Variants in SCEL observed in about 807,000 individuals in gnomAD.
SCEL encodes the protein sciellin.
SCEL carries 113 observed loss-of-function variants against 117.6 expected under a neutral mutation model. The ratio of observed to expected loss-of-function variants is 0.96; its 90% CI spans 0.83 to 1.12. SCEL has a LOEUF of 1.12. Among genes scored for constraint, SCEL ranks in the 50% most tolerant of loss-of-function variants. SCEL has a pLI of 0.00. For missense variants in SCEL, 785 were observed against 810.8 expected, an observed-to-expected ratio of 0.97 and a Z score of 0.39; for synonymous variants, 270 against 256.2, an observed-to-expected ratio of 1.05 and a Z score of -0.51.
intron 1 of SCEL, among the ~76,000 whole-genome samples, chr13:77,546,626 CT>C (rs1273433654): frequency 6.6e-6 from 1 of 151,578 alleles, no homozygotes; most frequent in Non-Finnish European, 1.5e-5. Context: ...CTTCTATTTG[CT>C]GCACGATGGC....
At chr13:77,636,944 G>A (rs897462516) in intron 29 of SCEL, among the ~76,000 whole-genome samples, 176 bp from the exon 30 acceptor site, 1 of 151,946 alleles carries the variant, frequency 6.6e-6, no homozygotes, top group African/African-American at 2.4e-5. Context: ...CAAATTGGGG[G>A]TGACTTGTGT....
intron 9 of SCEL, among the ~76,000 whole-genome samples, chr13:77,576,098 C>G (rs944909344): frequency 6.6e-6 from 1 of 152,210 alleles, no homozygotes. Context: ...CACCCTTCCT[C>G]TCTTTCCATC....
At position 77,609,075 on chromosome 13, in the gene SCEL, A is replaced by G; in HGVS notation, c.1235A>G (p.Asn412Ser). The G allele has an allele frequency of 1.9e-6, 3 of 1,593,948 alleles. No individual in the cohort carries two copies. Among genetic ancestry groups the G allele is most frequent in the Non-Finnish European group, 2.6e-6 (3 of 1,174,794 alleles). Residue 412 changes from asparagine (N) to serine (S), a missense_variant, in exon 21 of 33, where the codon AAC (asparagine) becomes AGC (serine). By Grantham distance (46) the Asn-to-Ser change is conservative (BLOSUM62 1). Transcript: ENST00000349847. ...RSNQGSKDLNNFIKVYPGTEK... is the reference protein window; with the variant it reads ...RSNQGSKDLNSFIKVYPGTEK... ...GTTTGAAGTTCCAAAGACCTTAATA[A>G]CTTCATCAAAGTGTATCCAGGAACA...
At chr13:77,563,797 AT>A (rs58662011) in intron 4 of SCEL, 33 bp from the exon 5 acceptor site, 82,326 of 1,117,452 alleles carry the variant, frequency 0.074, 2 homozygotes, top group South Asian at 0.11. Context: ...AATTGATTTG[AT>A]TTTTTTTTTT....
chr13:77,641,491 C>T (rs1208237679), intron 31 of SCEL, among the ~76,000 whole-genome samples: 2 of 152,072 alleles, frequency 1.3e-5, no homozygotes, highest in Non-Finnish European at 1.5e-5. Context: ...CCTCAGTTTC[C>T]CTAACTGTAA....
At position 77,556,603 on chromosome 13, in the gene SCEL, G is replaced by T. The variant is rs757743153; in HGVS notation, c.51G>T (p.Lys17Asn). Residue 17 changes from lysine to asparagine, a missense_variant, in exon 3 of 33, where the codon AAG (lysine) becomes AAT (asparagine). Lys to Asn is a moderately conservative substitution (Grantham distance 94). Transcript: ENST00000349847. ...RKMSPTGNEM[K>N]STTQGTTRKQ... ...TCATGTTTCTGTTGATAGAGATGAA[G>T]AGCACCACTCAGGGAACCACACGGA... 1 of 1,613,232 alleles carries T rather than the reference G, an allele frequency of 6.2e-7. No homozygotes were observed. The highest frequency in any genetic ancestry group is 8.5e-7 in the Non-Finnish European group (1 of 1,179,380).
At chr13:77,614,277 T>G (rs991756092) in intron 24 of SCEL, among the ~76,000 whole-genome samples, 2 of 152,158 alleles carry the variant, frequency 1.3e-5, no homozygotes, top group Admixed American at 1.3e-4. Context: ...CTTTTGTCTT[T>G]GAAATTGATG....
chr13:77,572,745 C>T (rs757763189), intron 9 of SCEL, among the ~76,000 whole-genome samples: 120 of 152,308 alleles, frequency 7.9e-4, no homozygotes, highest in Non-Finnish European at 1.5e-3. Context: ...TCATGTCTGT[C>T]CTACTACAGT....
At chr13:77,596,342 A>AAG (rs2087227549) in intron 12 of SCEL, among the ~76,000 whole-genome samples, 1 of 151,882 alleles carries the variant, frequency 6.6e-6, no homozygotes, top group African/African-American at 2.4e-5. Context: ...TTAAAAAAAA[A>AAG]AAAGTATAGC....
rs572690545 is a variant in SCEL, at chr13:77,612,825, G to A, written c.1338-66G>A. On this transcript the variant is annotated intron_variant, in intron 22 of 32. Transcript: ENST00000349847. Reference sequence around the variant, plus strand: ...AGCAGGTCATTTGATTAATATTAAGGTTGAAAAAATATACAAATTATTGGA... The same window carrying A: ...AGCAGGTCATTTGATTAATATTAAGATTGAAAAAATATACAAATTATTGGA... 89 of 957,674 alleles carry A rather than the reference G, an allele frequency of 9.3e-5. No homozygotes were observed. In the African/African-American group the frequency reaches 1.3e-3, roughly 14 times the overall value. 59.3% of individuals were successfully genotyped at this position (957,674 alleles called of 1,614,324 possible). A position where few individuals can be genotyped will look rare whatever the true frequency, so the allele number is the denominator to read the frequency against.
intron 1 of SCEL, among the ~76,000 whole-genome samples, chr13:77,544,517 G>A (rs941050450): frequency 1.3e-5 from 2 of 152,196 alleles, no homozygotes; most frequent in African/African-American, 4.8e-5. Flanking sequence ...GAAATTCTTG[G>A]CACTGGGACA....
chr13:77,614,140 C>T (rs576956001), intron 24 of SCEL, among the ~76,000 whole-genome samples, 185 bp downstream of exon 24: 8 of 152,082 alleles, frequency 5.3e-5, no homozygotes, highest in South Asian at 2.1e-4. Flanking sequence ...CAATGTATGG[C>T]GGTGCTTTCT....
Position 77,597,590 on chromosome 13 carries a change from G to A in SCEL, c.797+1G>A, listed in dbSNP as rs181569684. On this transcript the variant is annotated splice_donor_variant, in intron 13 of 32. Transcript: ENST00000349847. LOFTEE classifies it high-confidence loss of function. Reference sequence around the variant, plus strand: ...TCAAAATGAACAAAAGCTTGAATAGGTAAGATTTTTAAATGTTTATCTTTT... The same window carrying A: ...TCAAAATGAACAAAAGCTTGAATAGATAAGATTTTTAAATGTTTATCTTTT... The A allele has an allele frequency of 7.6e-6, 11 of 1,446,394 alleles. No homozygotes were observed. In the East Asian group the frequency reaches 2.6e-4, roughly 35 times the overall value. The allele number at this position is 1,446,394 out of a possible 1,614,324, so 89.6% of individuals were successfully genotyped here.
intron 21 of SCEL, 40 bp from the exon 22 acceptor site, chr13:77,610,007 A>G (rs762443320): frequency 7.1e-7 from 1 of 1,403,812 alleles, no homozygotes; most frequent in Non-Finnish European, 1.0e-6. Context: ...AAACCATTCG[A>G]TTTAAATCTA....
intron 9 of SCEL, 52 bp from the exon 10 acceptor site, chr13:77,589,092 A>G: frequency 7.3e-7 from 1 of 1,373,560 alleles, no homozygotes; most frequent in Non-Finnish European, 1.0e-6. Flanking sequence ...AATAGATGCT[A>G]AAATTTACCA....
chr13:77,633,476 C>CAAACACA, intron 28 of SCEL, among the ~76,000 whole-genome samples: 1 of 112,568 alleles, frequency 8.9e-6, no homozygotes, highest in Non-Finnish European at 1.9e-5. Flanking sequence ...AGAAGCCAGG[C>CAAACACA]AAACACAAAG....
chr13:77,548,570 T>C (rs1241714062), intron 1 of SCEL, among the ~76,000 whole-genome samples: 1 of 152,230 alleles, frequency 6.6e-6, no homozygotes, highest in Non-Finnish European at 1.5e-5. Flanking sequence ...AACTCTCTGA[T>C]ATGGTTTGTC....
At chr13:77,600,421 G>T (rs1039305006) in intron 15 of SCEL, among the ~76,000 whole-genome samples, 1 of 151,978 alleles carries the variant, frequency 6.6e-6, no homozygotes, top group Non-Finnish European at 1.5e-5. Context: ...GAGCCACCAC[G>T]CCCGGCCACC....
At position 77,585,910 on chromosome 13, in the gene SCEL, C is replaced by T. The variant is rs559731503; in HGVS notation, c.546-3234C>T. 3.3e-5 allele frequency among the ~76,000 whole-genome samples: 5 copies of T among 152,292 alleles called. No individual in the cohort carries two copies. In the South Asian group the frequency reaches 6.2e-4, roughly 19 times the overall value. ...GACCCTGCTTCCACAGCCTGTCTCT[C>T]AATAAGGGCTGTTTTCCCTCTAAAC... On this transcript the variant is annotated intron_variant, in intron 9 of 32. Coordinates refer to ENST00000349847, the MANE Select transcript of SCEL (RefSeq NM_144777.3).
Sources: allele counts gnomAD v4.1 joint callset (sites outside exome capture counted in the v4.1 genomes callset), GRCh38; gene constraint gnomAD v4.1.1; transcripts MANE v1.5; gene names NCBI Gene and HGNC (gene_info 2026-07-23, HGNC 2026-07-21).